BTAF1: variants seen among roughly 807,000 people sequenced by gnomAD.
BTAF1 encodes the protein TATA-binding protein-associated factor 172.
In BTAF1, 38 loss-of-function variants were observed where a neutral mutation model predicts 227.1. The observed-to-expected ratio is 0.17, with a 90% CI of 0.13 to 0.22. The LOEUF (loss-of-function observed/expected upper bound fraction) is 0.22, where lower values mean the gene tolerates loss of function less well. Ranked by LOEUF, BTAF1 falls within the 10% of genes least tolerant of loss-of-function variation. The pLI, the probability that BTAF1 is intolerant of heterozygous loss-of-function variation, is 1.00. For missense variants in BTAF1, 1,598 were observed against 2,204.0 expected, an observed-to-expected ratio of 0.73 and a Z score of 5.51; for synonymous variants, 742 against 751.9, an observed-to-expected ratio of 0.99 and a Z score of 0.21.
At chr10:91,996,643 A>G in intron 24 of BTAF1, 73 bp downstream of exon 24, 2 of 1,450,084 alleles carry the variant, frequency 1.4e-6, no homozygotes, top group Non-Finnish European at 1.9e-6. Context: ...AATGAAATTG[A>G]TGTGTTCTAA....
chr10:91,964,022 G>C (rs1332209432), intron 12 of BTAF1, 55 bp from the exon 13 acceptor site: 22 of 1,599,906 alleles, frequency 1.4e-5, no homozygotes, highest in Non-Finnish European at 1.9e-5. Context: ...ATTTGGCAGG[G>C]TTTGTGAGTA....
intron 30 of BTAF1, among the ~76,000 whole-genome samples, chr10:92,012,541 C>T (rs557962611): frequency 4.6e-5 from 7 of 151,032 alleles, no homozygotes; most frequent in South Asian, 4.2e-4. Context: ...GAGGTTGAGG[C>T]GGGTGGATCA....
Position 91,953,746 on chromosome 10 carries a change from G to A in BTAF1, c.574G>A (p.Ala192Thr). The change falls in exon 6 of 38, where the codon GCA (alanine) becomes ACA (threonine). Residue 192 changes from alanine (A) to threonine (T), a missense_variant. Physicochemically the swap from Ala to Thr is moderately conservative, Grantham distance 58 (BLOSUM62 0). Coordinates refer to ENST00000265990, the MANE Select transcript of BTAF1 (RefSeq NM_003972.3). ...TCTTTTATTCTTTTAGACTCTTCAG[G>A]CAGCTGAATTGATTGACTCAGAGTT... ...SFVNKQPTLQ[A>T]AELIDSEFRA... is the part of the protein sequence containing the mutation. The A allele has an allele frequency of 4.3e-6, 7 of 1,613,604 alleles. No individual in the cohort carries two copies. The highest frequency in any genetic ancestry group is 5.9e-6 in the Non-Finnish European group (7 of 1,179,822).
intron 17 of BTAF1, 83 bp downstream of exon 17, chr10:91,982,308 G>A (rs1367284931): frequency 1.3e-6 from 2 of 1,562,646 alleles, no homozygotes; most frequent in Non-Finnish European, 1.8e-6. Context: ...AGATTCCTCT[G>A]CTGTCTCCAT....
At chr10:92,003,818 A>G (rs1183544264) in intron 25 of BTAF1, among the ~76,000 whole-genome samples, 1 of 152,160 alleles carries the variant, frequency 6.6e-6, no homozygotes, top group Non-Finnish European at 1.5e-5. Context: ...TTTTTGAGTA[A>G]CATCCATACT....
chr10:91,976,038 T>C (rs967105773), intron 14 of BTAF1, among the ~76,000 whole-genome samples: 1 of 152,214 alleles, frequency 6.6e-6, no homozygotes, highest in Admixed American at 6.5e-5. Flanking sequence ...GTTGCAAGTG[T>C]TGGACCTTCC....
At chr10:91,956,864 C>T (rs1464316713) in intron 7 of BTAF1, among the ~76,000 whole-genome samples, 2 of 152,086 alleles carry the variant, frequency 1.3e-5, no homozygotes, top group African/African-American at 2.4e-5. Flanking sequence ...GTGGCACGTG[C>T]CTGTAATCCC....
At chr10:92,004,095 T>C (rs1849724810) in intron 25 of BTAF1, among the ~76,000 whole-genome samples, 1 of 152,188 alleles carries the variant, frequency 6.6e-6, no homozygotes, top group Non-Finnish European at 1.5e-5. Flanking sequence ...TTTCTTTCTG[T>C]TGAGTTGAGT....
At chr10:92,008,996 A>G in intron 27 of BTAF1, 45 bp from the exon 28 acceptor site, 1 of 1,612,186 alleles carries the variant, frequency 6.2e-7, no homozygotes, top group Non-Finnish European at 8.5e-7. Flanking sequence ...GATTTGGAGA[A>G]ATGTAAACAA....
intron 19 of BTAF1, among the ~76,000 whole-genome samples, chr10:91,985,527 G>C (rs74149345): frequency 0.013 from 2,035 of 152,108 alleles, 47 homozygotes; most frequent in African/African-American, 0.045. Context: ...TAAATCATAA[G>C]ATAGGTGTAG....
In BTAF1 at chr10:91,940,510, T is replaced by C. The variant is rs113387374; in HGVS notation, c.253+444T>C. Reference sequence around the variant, plus strand: ...TATGTGCCCTTTTTTGGATTTTTTGTAGTGGGAAAAAATGTGTTCTGATTG... The same window carrying C: ...TATGTGCCCTTTTTTGGATTTTTTGCAGTGGGAAAAAATGTGTTCTGATTG... On this transcript the variant is annotated intron_variant, in intron 3 of 37. Transcript: ENST00000265990. Among the ~76,000 whole-genome samples the C allele has an allele frequency of 3.3e-3, 502 of 152,162 alleles. 10 individuals carry two copies. Among genetic ancestry groups the C allele is most frequent in the African/African-American group, 0.012 (491 of 41,550 alleles).
chr10:92,010,011 G>A (rs1018406419), intron 28 of BTAF1, among the ~76,000 whole-genome samples: 21 of 151,838 alleles, frequency 1.4e-4, no homozygotes, highest in African/African-American at 5.1e-4. Flanking sequence ...TTTTTATCTT[G>A]AGCACTTACT....
chr10:92,003,830 T>C (rs1448357859), intron 25 of BTAF1, among the ~76,000 whole-genome samples: 1 of 152,184 alleles, frequency 6.6e-6, no homozygotes, highest in Non-Finnish European at 1.5e-5. Context: ...ATCCATACTG[T>C]TTTCCATAAT....
rs189098246 is a variant in BTAF1, at chr10:91,951,927, A to G, written c.564+361A>G. ...AAGGGCTATTATAGTCAGATATGAT[A>G]GTAGAAGTGTTTAGTGTTATGATTT... On this transcript the variant is annotated intron_variant, in intron 5 of 37. Coordinates refer to ENST00000265990, the MANE Select transcript of BTAF1 (RefSeq NM_003972.3). 1.2e-3 allele frequency among the ~76,000 whole-genome samples: 185 copies of G among 152,226 alleles called. 1 individual carries two copies. The highest frequency in any genetic ancestry group is 4.2e-3 in the African/African-American group (173 of 41,550).
intron 30 of BTAF1, 150 bp from the exon 31 acceptor site, chr10:92,013,517 C>T: frequency 1.0e-6 from 1 of 993,448 alleles, no homozygotes; most frequent in Non-Finnish European, 1.5e-6. Context: ...GAATTTTACA[C>T]ACTAAAATAA....
At chr10:91,973,337 C>A (rs1847442477) in intron 14 of BTAF1, among the ~76,000 whole-genome samples, 1 of 152,178 alleles carries the variant, frequency 6.6e-6, no homozygotes. Flanking sequence ...GTCAGAGTTA[C>A]ATGGATCAAG....
intron 14 of BTAF1, among the ~76,000 whole-genome samples, chr10:91,972,139 G>T (rs912196814): frequency 4.6e-5 from 7 of 152,148 alleles, no homozygotes; most frequent in African/African-American, 1.7e-4. Context: ...CATAGCCTCA[G>T]TTACTCACAA....
At chr10:91,926,539 AC>A (rs1373629079) in intron 1 of BTAF1, among the ~76,000 whole-genome samples, 1 of 152,142 alleles carries the variant, frequency 6.6e-6, no homozygotes, top group African/African-American at 2.4e-5. Flanking sequence ...ACCAGTTACC[AC>A]AATCCTAGAA....
intron 19 of BTAF1, among the ~76,000 whole-genome samples, chr10:91,986,823 ATC>A (rs1291250700): frequency 6.6e-6 from 1 of 151,498 alleles, no homozygotes; most frequent in African/African-American, 2.4e-5. Flanking sequence ...AAATATCAGA[ATC>A]TCTGGGAGAG....
Sources: gnomAD v4.1 joint callset for allele counts (sites outside exome capture counted in the v4.1 genomes callset) on GRCh38, gnomAD v4.1.1 for gene constraint, MANE v1.5 for transcripts, NCBI Gene and HGNC (gene_info 2026-07-23, HGNC 2026-07-21) for gene names.